NRG4: variants seen among roughly 807,000 people sequenced by gnomAD.
NRG4 encodes the protein pro-neuregulin-4, membrane-bound isoform.
NRG4 carries 10 observed loss-of-function variants against 15.0 expected under a neutral mutation model. That is an observed-to-expected ratio of 0.67 (90% CI 0.41 to 1.13). The LOEUF is 1.13. Among genes scored for constraint, NRG4 ranks in the 50% most tolerant of loss-of-function variants. The pLI, the probability that NRG4 is intolerant of heterozygous loss-of-function variation, is 0.00. For synonymous variants in NRG4, 41 were observed against 50.1 expected, an observed-to-expected ratio of 0.82 and a Z score of 0.77; for missense variants, 139 against 140.2, an observed-to-expected ratio of 0.99 and a Z score of 0.04.
At chr15:76,037,623 G>T (rs2035625273) in intron 4 of NRG4, among the ~76,000 whole-genome samples, 1 of 152,082 alleles carries the variant, frequency 6.6e-6, no homozygotes, top group Admixed American at 6.5e-5. Context: ...GGCAGTCTAG[G>T]CCCCAAGAAC....
intron 4 of NRG4, chr15:75,958,989 A>G (rs1210703516): frequency 5.7e-6 from 1 of 176,736 alleles, no homozygotes; most frequent in Non-Finnish European, 1.2e-5. Flanking sequence ...TTATTTATTT[A>G]TTTTTTTTAG....
At chr15:76,013,785 C>T (rs9745107), upstream of NRG4, among the ~76,000 whole-genome samples, 5,618 of 152,140 alleles carry the variant, frequency 0.037, 183 homozygotes, top group African/African-American at 0.085. Context: ...CTATTGTGAA[C>T]AGTGCCGCAA....
chr15:76,017,269 C>A (rs1004206011), upstream of NRG4, among the ~76,000 whole-genome samples: 10 of 150,734 alleles, frequency 6.6e-5, no homozygotes, highest in Admixed American at 5.3e-4. Context: ...ACACAGCACG[C>A]CAATGGGTCT....
intron 3 of NRG4, among the ~76,000 whole-genome samples, chr15:75,980,382 G>T (rs1357622356): frequency 1.2e-5 from 1 of 83,620 alleles, no homozygotes; most frequent in Non-Finnish European, 2.7e-5. Context: ...TTTCTTTGGG[G>T]ATTTTTTTTT....
At chr15:75,981,084 G>A (rs1383741526) in intron 3 of NRG4, among the ~76,000 whole-genome samples, 2 of 152,204 alleles carry the variant, frequency 1.3e-5, no homozygotes, top group East Asian at 1.9e-4. Context: ...CTCTCACTGA[G>A]TGCTGGGGTC....
intron 5 of NRG4, among the ~76,000 whole-genome samples, chr15:76,033,877 T>C (rs2035535413): frequency 6.6e-6 from 1 of 152,220 alleles, no homozygotes; most frequent in Non-Finnish European, 1.5e-5. Context: ...CTGTATTACA[T>C]GGCCACTGTA....
At chr15:76,014,824 C>G (rs1439510018), upstream of NRG4, among the ~76,000 whole-genome samples, 1 of 152,188 alleles carries the variant, frequency 6.6e-6, no homozygotes, top group Non-Finnish European at 1.5e-5. Context: ...CTTGGCTACA[C>G]AGGCTCTTTT....
upstream of NRG4, among the ~76,000 whole-genome samples, chr15:76,015,182 A>G (rs1159855637): frequency 6.6e-6 from 1 of 152,162 alleles, no homozygotes; most frequent in Non-Finnish European, 1.5e-5. Context: ...TGATTTTTGC[A>G]TACTGATTTT....
intron 3 of NRG4, among the ~76,000 whole-genome samples, chr15:75,972,432 G>T (rs185191571): frequency 6.6e-6 from 1 of 152,128 alleles, no homozygotes; most frequent in Admixed American, 6.5e-5. Context: ...TTTTAGTCAC[G>T]AAGTCTTTGC....
chr15:75,966,450 G>A (rs1462748257), intron 3 of NRG4, among the ~76,000 whole-genome samples: 1 of 152,158 alleles, frequency 6.6e-6, no homozygotes, highest in Non-Finnish European at 1.5e-5. Flanking sequence ...AATGTCTAGA[G>A]TGCTTTGAAC....
chr15:76,044,469 A>G (rs2035821414), intron 4 of NRG4, among the ~76,000 whole-genome samples: 1 of 150,792 alleles, frequency 6.6e-6, no homozygotes, highest in South Asian at 2.1e-4. Flanking sequence ...TACAGGCTTA[A>G]TTCTAAGATG....
intron 4 of NRG4, among the ~76,000 whole-genome samples, chr15:75,959,382 CT>C (rs2032403766): frequency 6.6e-6 from 1 of 152,066 alleles, no homozygotes; most frequent in Non-Finnish European, 1.5e-5. Flanking sequence ...GTATTTCTGG[CT>C]CTTTATCTTA....
At chr15:75,972,266 T>C (rs1167628709) in intron 3 of NRG4, among the ~76,000 whole-genome samples, 2 of 152,214 alleles carry the variant, frequency 1.3e-5, no homozygotes, top group Non-Finnish European at 2.9e-5. Flanking sequence ...ATTCTGGATA[T>C]TAGCCCTTTG....
intron 3 of NRG4, among the ~76,000 whole-genome samples, chr15:75,997,609 G>C (rs569838581): frequency 2.9e-4 from 44 of 152,246 alleles, no homozygotes; most frequent in South Asian, 2.5e-3. Context: ...GCATATAATA[G>C]TCAACAAAGT....
chr15:75,941,086 C>T lies in NRG4; in HGVS notation c.*2552G>A, dbSNP rs1173745510. 2.6e-5 allele frequency: 4 copies of T among 152,078 alleles called. No individual in the cohort carries two copies. The highest frequency in any genetic ancestry group is 2.6e-4 in the Admixed American group (4 of 15,274). 9.4% of individuals were successfully genotyped at this position (152,078 alleles called of 1,614,324 possible). ...GAATACATACAAAACTCCCAAAATG[C>T]AACAACAGTGTAAAAACCTGATTTA... On this transcript the variant is annotated 3_prime_UTR_variant, in exon 6 of 6. Coordinates refer to ENST00000394907, the MANE Select transcript of NRG4 (RefSeq NM_138573.4).
At chr15:76,052,155 T>A (rs1416972025) in exon 4 of NRG4, 2 of 151,108 alleles carry the variant, frequency 1.3e-5, no homozygotes, top group Non-Finnish European at 2.9e-5. Flanking sequence ...CTATTTCTTC[T>A]GCTTTAATAG....
At position 75,955,994 on chromosome 15, in the gene NRG4, C is replaced by T; in HGVS notation, c.269G>A (p.Arg90Lys). The change falls in exon 5 of 6, where the codon AGA becomes AAA. Residue 90 changes from arginine to lysine, a missense_variant. Physicochemically the swap from Arg to Lys is conservative, Grantham distance 26. Transcript: ENST00000394907. ...GATATCATACTGGACTGAACTGGCTCTCTGAAAGTGGCCTTTCCTGACAAT... is the reference window on the plus strand; with the variant it reads ...GATATCATACTGGACTGAACTGGCTTTCTGAAAGTGGCCTTTCCTGACAAT... ...YFLCRKGHFQ[R>K]ASSVQYDINL... 1 of 1,610,438 alleles carries T rather than the reference C, an allele frequency of 6.2e-7. No individual in the cohort carries two copies. The highest frequency in any genetic ancestry group is 8.5e-7 in the Non-Finnish European group (1 of 1,176,784).
chr15:75,990,679 T>TG (rs1052681840), intron 3 of NRG4, among the ~76,000 whole-genome samples: 47 of 147,298 alleles, frequency 3.2e-4, no homozygotes, highest in Admixed American at 2.4e-3. Context: ...TTGTTTTTTT[T>TG]TTTTGTTTTT....
downstream of NRG4, chr15:75,936,151 T>G (rs1236183272): frequency 6.6e-6 from 1 of 152,198 alleles, no homozygotes; most frequent in Non-Finnish European, 1.5e-5. Context: ...GCTTTTGTCA[T>G]TTTATACCCA....
Sources: gnomAD v4.1 joint callset for allele counts (sites outside exome capture counted in the v4.1 genomes callset) on GRCh38, gnomAD v4.1.1 for gene constraint, MANE v1.5 for transcripts, NCBI Gene and HGNC (gene_info 2026-07-23, HGNC 2026-07-21) for gene names.